Variants in OTULINL observed in about 807,000 individuals in gnomAD.
OTULINL encodes inactive ubiquitin thioesterase OTULINL.
OTULINL carries 42 observed loss-of-function variants against 43.9 expected under a neutral mutation model. The ratio of observed to expected loss-of-function variants is 0.96; its 90% confidence interval spans 0.75 to 1.24. The LOEUF is 1.24. Ranked by LOEUF, OTULINL falls within the 50% of genes most tolerant of loss-of-function variation. The probability of loss-of-function intolerance (pLI) is 0.00; values close to 1 mark genes in which losing one functional copy is unlikely to be tolerated. For synonymous variants in OTULINL, 172 were observed against 153.6 expected (o/e 1.12, Z -0.88); for missense variants, 411 against 426.4 (o/e 0.96, Z 0.32).
chr5:14,600,044 A>G (rs979359762), intron 1 of OTULINL, among the ~76,000 whole-genome samples: 4 of 152,124 alleles, frequency 2.6e-5, no homozygotes, highest in African/African-American at 9.7e-5. Flanking sequence ...GGAGACTGAT[A>G]TGGTTTGGCT....
At chr5:14,605,633 A>G (rs776877292) in intron 5 of OTULINL, among the ~76,000 whole-genome samples, 3 of 152,196 alleles carry the variant, frequency 2.0e-5, no homozygotes, top group Non-Finnish European at 4.4e-5. Context: ...CTTTAACAGC[A>G]TCCAAGTCAC....
intron 1 of OTULINL, among the ~76,000 whole-genome samples, chr5:14,591,520 A>C (rs1336529244): frequency 6.6e-6 from 1 of 152,140 alleles, no homozygotes; most frequent in African/African-American, 2.4e-5. Context: ...TTTTAAAAAA[A>C]TCTGCCACTC....
At chr5:14,598,468 G>C (rs944716246) in intron 1 of OTULINL, among the ~76,000 whole-genome samples, 6 of 152,182 alleles carry the variant, frequency 3.9e-5, no homozygotes, top group African/African-American at 1.4e-4. Flanking sequence ...CACACCCTGT[G>C]ACCTAGAATT....
chr5:14,603,812 A>G (rs1759428111), intron 5 of OTULINL, among the ~76,000 whole-genome samples: 1 of 152,124 alleles, frequency 6.6e-6, no homozygotes, highest in Admixed American at 6.5e-5. Context: ...AAGTAACCTG[A>G]GTTTTTATTT....
At chr5:14,605,601 T>G (rs1759461130) in intron 5 of OTULINL, among the ~76,000 whole-genome samples, 1 of 152,162 alleles carries the variant, frequency 6.6e-6, no homozygotes, top group South Asian at 2.1e-4. Context: ...ACTTTTACGC[T>G]CTCTCTTTCA....
chr5:14,605,203 A>G (rs940479830), intron 5 of OTULINL, among the ~76,000 whole-genome samples: 1 of 152,210 alleles, frequency 6.6e-6, no homozygotes. Flanking sequence ...GCCCAACACC[A>G]CGTGGAAGCT....
intron 1 of OTULINL, among the ~76,000 whole-genome samples, chr5:14,597,568 CTGTAGCTAT>C (rs1443726191): frequency 6.6e-6 from 1 of 152,222 alleles, no homozygotes; most frequent in East Asian, 1.9e-4. Context: ...AAAGCTTAAA[CTGTAGCTAT>C]TGTAGCTATT....
Position 14,601,242 on chromosome 5 carries a change from A to G in OTULINL, c.254A>G (p.Lys85Arg). The change falls in exon 3 of 8, where the codon AAA (lysine) becomes AGA (arginine). Residue 85 changes from lysine to arginine, a missense_variant and splice_region_variant. Physicochemically the swap from Lys to Arg is conservative, Grantham distance 26. Transcript: ENST00000274217. ...ATTGGATATCTGCAGAGAAAATTCA[A>G]AAGTAAATATTTTCATTCATTTATT... The part of the protein sequence containing the change: ...WWIGYLQRKF[K>R]RNLSVEAEVD... 6.2e-7 allele frequency: 1 copy of G among 1,611,996 alleles called. No homozygotes were observed. The highest frequency in any genetic ancestry group is 8.5e-7 in the Non-Finnish European group (1 of 1,178,766).
chr5:14,596,716 G>A (rs1302609223), intron 1 of OTULINL, among the ~76,000 whole-genome samples: 2 of 152,110 alleles, frequency 1.3e-5, no homozygotes, highest in Admixed American at 1.3e-4. Flanking sequence ...CCACAGACTG[G>A]GTGATTTATA....
intron 1 of OTULINL, among the ~76,000 whole-genome samples, chr5:14,599,084 C>G (rs189681495): frequency 6.6e-6 from 1 of 151,598 alleles, no homozygotes; most frequent in Non-Finnish European, 1.5e-5. Context: ...TACTAAATGT[C>G]TAGGTAAGAA....
Position 14,615,723 on chromosome 5 carries a change from C to A in OTULINL, c.*5409C>A, listed in dbSNP as rs1041274544. 6.6e-6 allele frequency among the ~76,000 whole-genome samples: 1 copy of A among 152,196 alleles called. No individual in the cohort carries two copies. Among genetic ancestry groups the A allele is most frequent in the African/African-American group, 2.4e-5 (1 of 41,436 alleles). On this transcript the variant is annotated 3_prime_UTR_variant, in exon 8 of 8. Coordinates refer to ENST00000274217, the MANE Select transcript of OTULINL (RefSeq NM_019018.3). The stretch of plus-strand genomic sequence containing the variant: ...AGAGTATATTTGATCTATTGGTTAA[C>A]TCATCTGTCAGCAAATGGTTAAGTA...
chr5:14,602,271 T>G lies in OTULINL; in HGVS notation c.437T>G (p.Phe146Cys). 6.2e-7 allele frequency: 1 copy of G among 1,613,832 alleles called. No homozygotes were observed. The highest frequency in any genetic ancestry group is 8.5e-7 in the Non-Finnish European group (1 of 1,179,770). Residue 146 changes from phenylalanine (F) to cysteine (C), a missense_variant, in exon 5 of 8, where the codon TTT becomes TGT. Physicochemically the swap from Phe to Cys is radical, Grantham distance 205. Transcript: ENST00000274217. ...TATGATGCTCTCAGATCAGTGTTAT[T>G]TCAGATATTCAGCCAGGGCATCTCT... is the stretch of plus-strand genomic sequence containing the variant. ...DNYDALRSVL[F>C]QIFSQGISFP...
At chr5:14,609,775 C>T (rs185322798) in intron 7 of OTULINL, among the ~76,000 whole-genome samples, 1,886 of 152,088 alleles carry the variant, frequency 0.012, 41 homozygotes, top group African/African-American at 0.043. Context: ...GGACTACAGG[C>T]GCCCGCCACT....
At position 14,601,039 on chromosome 5, in the gene OTULINL, T is replaced by C. The variant is rs1274169896; in HGVS notation, c.139T>C (p.Phe47Leu). 1.9e-6 allele frequency: 3 copies of C among 1,613,444 alleles called. No individual in the cohort carries two copies. The highest frequency in any genetic ancestry group is 2.5e-6 in the Non-Finnish European group (3 of 1,179,876). ...LDTVWRMAKG[F>L]VMLAVSFLVA... is the part of the protein sequence containing the mutation. ...CACTGTCTGGAGAATGGCAAAAGGC[T>C]TTGTGATGTTGGCAGTTTCATTTCT... is the stretch of plus-strand genomic sequence containing the variant. Residue 47 changes from phenylalanine to leucine, a missense_variant, in exon 2 of 8, where the codon TTT becomes CTT. Coordinates refer to ENST00000274217, the MANE Select transcript of OTULINL (RefSeq NM_019018.3).
chr5:14,588,320 G>A (rs1358783192), intron 1 of OTULINL, among the ~76,000 whole-genome samples: 1 of 152,054 alleles, frequency 6.6e-6, no homozygotes, highest in East Asian at 1.9e-4. Context: ...TGCTCACAGG[G>A]GAGGAAGCTG....
At chr5:14,602,412 G>A in intron 5 of OTULINL, 80 bp downstream of exon 5, 8 of 1,317,956 alleles carry the variant, frequency 6.1e-6, no homozygotes, top group Non-Finnish European at 8.4e-6. Flanking sequence ...TGGGGGCTTT[G>A]TACTCAGATG....
intron 1 of OTULINL, among the ~76,000 whole-genome samples, chr5:14,585,579 T>G (rs1226863189): frequency 6.6e-6 from 1 of 152,184 alleles, no homozygotes; most frequent in Non-Finnish European, 1.5e-5. Flanking sequence ...CCTGGAGTGG[T>G]GTGCTCTCCT....
Position 14,607,437 on chromosome 5 carries a change from T to C in OTULINL, c.606T>C (p.Tyr202=), listed in dbSNP as rs754255528. 3.7e-6 allele frequency: 6 copies of C among 1,613,868 alleles called. No homozygotes were observed. Among genetic ancestry groups the C allele is most frequent in the Non-Finnish European group, 5.1e-6 (6 of 1,179,968 alleles). ...GSNVFGKLRK[Y]VELLKTQWTE... ...ATGTGTTTGGAAAACTACGGAAATA[T>C]GTGGAATTATTGAAAACACAGGTAA... is the stretch of plus-strand genomic sequence containing the variant. The change falls in exon 6 of 8, where the codon TAT becomes TAC. Residue 202 remains tyrosine, a synonymous_variant. Coordinates refer to ENST00000274217, the MANE Select transcript of OTULINL (RefSeq NM_019018.3).
At chr5:14,590,313 A>G (rs527866636) in intron 1 of OTULINL, among the ~76,000 whole-genome samples, 45 of 152,284 alleles carry the variant, frequency 3.0e-4, no homozygotes, top group African/African-American at 1.0e-3. Context: ...CCAGCCTAAT[A>G]AATCTGAAAA....
Sources: allele counts gnomAD v4.1 joint callset (sites outside exome capture counted in the v4.1 genomes callset), GRCh38; gene constraint gnomAD v4.1.1; transcripts MANE v1.5; gene names NCBI Gene and HGNC (gene_info 2026-07-23, HGNC 2026-07-21).